The following GNG2 variants were observed in gnomAD, a reference collection of about 807,000 sequenced individuals.
GNG2 encodes G protein subunit gamma 2, also known as guanine nucleotide-binding protein G(I)/G(S)/G(O) subunit gamma-2.
GNG2 carries 5 observed loss-of-function variants against 5.5 expected under a neutral mutation model. That is an observed-to-expected ratio of 0.91 (90% CI 0.48 to 1.92). The LOEUF is 1.92. Ranked by LOEUF, GNG2 falls within the 30% of genes most tolerant of loss-of-function variation. The probability of loss-of-function intolerance (pLI) is 0.01; values close to 1 mark genes in which losing one functional copy is unlikely to be tolerated. For missense variants in GNG2, 55 were observed against 88.4 expected (o/e 0.62, Z 1.52); for synonymous variants, 28 against 32.0 (o/e 0.88, Z 0.42).
chr14:51,948,345 A>G (rs1362455029), intron 2 of GNG2, among the ~76,000 whole-genome samples: 1 of 152,212 alleles, frequency 6.6e-6, no homozygotes, highest in African/African-American at 2.4e-5. Context: ...TCTGGTGTAG[A>G]TTCAGGGCAG....
At chr14:51,916,495 C>G (rs1886638385) in intron 2 of GNG2, 1 of 440,482 alleles carries the variant, frequency 2.3e-6, no homozygotes, top group Non-Finnish European at 4.5e-6. Flanking sequence ...AAAAATTTTC[C>G]ACGAAAATAA....
At chr14:51,826,723 T>A (rs941715035) in intron 1 of GNG2, among the ~76,000 whole-genome samples, 4 of 152,144 alleles carry the variant, frequency 2.6e-5, no homozygotes, top group South Asian at 2.1e-4. Context: ...AAATCACACT[T>A]GATGGGACCA....
chr14:51,938,165 A>G (rs1348156945), intron 2 of GNG2, among the ~76,000 whole-genome samples: 4 of 152,214 alleles, frequency 2.6e-5, no homozygotes, highest in African/African-American at 9.7e-5. Context: ...TAGGTTCTTC[A>G]TGAAAGTTAG....
In GNG2 at chr14:51,829,284, C is replaced by G. The variant is rs539596901; in HGVS notation, c.64+1477C>G. ...CAGTCATCATCTGCTGGCTTTCCAG[C>G]TTATCTCCCCAACTCCCAAAAGTTC... On this transcript the variant is annotated intron_variant, in intron 2 of 3. Coordinates refer to the GNG2 transcript ENST00000553432. Among the ~76,000 whole-genome samples, 23 of 152,280 alleles carry G rather than the reference C, an allele frequency of 1.5e-4. No individual in the cohort carries two copies. In the South Asian group the frequency reaches 3.1e-3, roughly 21 times the overall value.
intron 2 of GNG2, among the ~76,000 whole-genome samples, chr14:51,835,681 A>G (rs1881311429): frequency 6.6e-6 from 1 of 152,210 alleles, no homozygotes; most frequent in African/African-American, 2.4e-5. Context: ...ACAACTTCTC[A>G]ATAAAGAAAA....
intron 3 of GNG2, among the ~76,000 whole-genome samples, chr14:51,957,607 A>T (rs950113780): frequency 6.6e-6 from 1 of 152,226 alleles, no homozygotes; most frequent in African/African-American, 2.4e-5. Flanking sequence ...TACTCATAAT[A>T]CAATCATCAG....
At chr14:51,838,198 C>G (rs989709179) in intron 2 of GNG2, among the ~76,000 whole-genome samples, 2 of 152,142 alleles carry the variant, frequency 1.3e-5, no homozygotes, top group African/African-American at 4.8e-5. Context: ...AATCCCAGCA[C>G]TTTGGGAGGC....
At chr14:51,933,055 A>G (rs1887758261) in intron 2 of GNG2, among the ~76,000 whole-genome samples, 1 of 152,240 alleles carries the variant, frequency 6.6e-6, no homozygotes, top group Non-Finnish European at 1.5e-5. Context: ...AAGCTGGAAG[A>G]GGCAAGAAAT....
At chr14:51,925,616 T>G (rs1172691916) in intron 2 of GNG2, among the ~76,000 whole-genome samples, 1 of 152,138 alleles carries the variant, frequency 6.6e-6, no homozygotes, top group African/African-American at 2.4e-5. Flanking sequence ...GTCTTTTCTT[T>G]TATATTATTT....
At chr14:51,942,589 C>CTTTCTTTCTTTCTTTCTTTTT (rs761049973) in intron 2 of GNG2, among the ~76,000 whole-genome samples, 3 of 81,112 alleles carry the variant, frequency 3.7e-5, no homozygotes, top group East Asian at 6.3e-4. Context: ...TTCTTTCTTT[C>CTTTCTTTCTTTCTTTCTTTTT]TTTTTTTTTT....
chr14:51,861,293 A>C (rs2140101504), intron 1 of GNG2: 1 of 152,294 alleles, frequency 6.6e-6, no homozygotes, highest in Admixed American at 6.5e-5. Flanking sequence ...TGAATTGCGT[A>C]TGTGAGGGGC....
At chr14:51,837,876 A>G (rs1375674196) in intron 2 of GNG2, among the ~76,000 whole-genome samples, 2 of 152,180 alleles carry the variant, frequency 1.3e-5, no homozygotes, top group Admixed American at 6.5e-5. Context: ...TCCAACCAAG[A>G]TATTTTTATC....
rs1434810404 is a variant in GNG2 at position 51,967,850 on chromosome 14, C to T, written c.*1163C>T. On this transcript the variant is annotated 3_prime_UTR_variant, in exon 4 of 4. Coordinates refer to ENST00000556766, the MANE Select transcript of GNG2 (RefSeq NM_053064.5). ...TGCTCTTAACAAGAAAACCATGGCC[C>T]TCCTTTGTTCAAGTATCAGAAGAAA... is the stretch of plus-strand genomic sequence containing the variant. 1 of 151,986 alleles carries T rather than the reference C, an allele frequency of 6.6e-6. No homozygotes were observed. Among genetic ancestry groups the T allele is most frequent in the Non-Finnish European group, 1.5e-5 (1 of 68,006 alleles). The allele number at this position is 151,986 out of a possible 1,614,324, so 9.4% of individuals were successfully genotyped here.
At chr14:51,942,850 T>G (rs1233362214) in intron 2 of GNG2, among the ~76,000 whole-genome samples, 1 of 152,114 alleles carries the variant, frequency 6.6e-6, no homozygotes, top group Non-Finnish European at 1.5e-5. Context: ...ATACCATGGT[T>G]GCCATGTGAC....
chr14:51,894,269 A>G (rs999027096), intron 2 of GNG2, among the ~76,000 whole-genome samples: 1 of 152,134 alleles, frequency 6.6e-6, no homozygotes, highest in Non-Finnish European at 1.5e-5. Flanking sequence ...ATTTCTCGAT[A>G]TATAAAGATT....
intron 1 of GNG2, among the ~76,000 whole-genome samples, chr14:51,868,320 G>T (rs1376758333): frequency 6.6e-6 from 1 of 151,924 alleles, no homozygotes; most frequent in Non-Finnish European, 1.5e-5. Flanking sequence ...TCACTGAGAG[G>T]GTAGTTTGAA....
rs529145469 is a variant in GNG2, at chr14:51,968,986, A to G, written c.*2299A>G. ...GCTTTTTCATAATTTTATGTCTTAC[A>G]GTATGGAATTATAATACGAAAATCT... is the stretch of plus-strand genomic sequence containing the variant. On this transcript the variant is annotated 3_prime_UTR_variant, in exon 4 of 4. Transcript: ENST00000556766. 8.5e-5 allele frequency: 13 copies of G among 152,342 alleles called. No individual in the cohort carries two copies. The South Asian group carries it at 2.7e-3, about 32-fold the overall frequency. The allele number at this position is 152,342 out of a possible 1,614,324, so 9.4% of individuals were successfully genotyped here. A position where few individuals can be genotyped will look rare whatever the true frequency, so the allele number is the denominator to read the frequency against.
chr14:51,840,135 C>A (rs1881443709), intron 2 of GNG2, among the ~76,000 whole-genome samples: 1 of 152,228 alleles, frequency 6.6e-6, no homozygotes, highest in Non-Finnish European at 1.5e-5. Context: ...GGTGAAATCA[C>A]TGCTCCACCT....
intron 2 of GNG2, among the ~76,000 whole-genome samples, chr14:51,893,739 T>G (rs1230013338): frequency 6.6e-6 from 1 of 152,150 alleles, no homozygotes; most frequent in Non-Finnish European, 1.5e-5. Context: ...TTCTCCATGT[T>G]ATGTATTAAA....
Sources: gnomAD v4.1 joint callset for allele counts (sites outside exome capture counted in the v4.1 genomes callset) on GRCh38, gnomAD v4.1.1 for gene constraint, MANE v1.5 for transcripts, NCBI Gene and HGNC (gene_info 2026-07-23, HGNC 2026-07-21) for gene names.